CDH13: variants seen among roughly 807,000 people sequenced by gnomAD.
CDH13 encodes cadherin-13.
CDH13 carries 24 observed loss-of-function variants against 63.8 expected under a neutral mutation model. The observed-to-expected ratio is 0.38, with a 90% CI of 0.27 to 0.53. CDH13 has a LOEUF of 0.53. Ranked by LOEUF, CDH13 falls within the 20% of genes least tolerant of loss-of-function variation. CDH13 has a pLI of 0.85. For synonymous variants in CDH13, 503 were observed against 355.3 expected (o/e 1.42, Z -4.67); for missense variants, 1,049 against 903.1 (o/e 1.16, Z -2.07).
chr16:82,821,226 A>G (rs2037987762), intron 1 of CDH13, among the ~76,000 whole-genome samples: 1 of 152,188 alleles, frequency 6.6e-6, no homozygotes, highest in Non-Finnish European at 1.5e-5. Flanking sequence ...TAAATTCCCT[A>G]TAGGACCATT....
At chr16:82,813,884 A>G (rs1221245168) in intron 1 of CDH13, among the ~76,000 whole-genome samples, 3 of 152,192 alleles carry the variant, frequency 2.0e-5, no homozygotes, top group Non-Finnish European at 4.4e-5. Flanking sequence ...ACCTTGAACA[A>G]GTCTCTTGCC....
intron 3 of CDH13, among the ~76,000 whole-genome samples, chr16:83,079,316 A>G (rs2033075311): frequency 6.6e-6 from 1 of 152,056 alleles, no homozygotes. Flanking sequence ...CCTTCTATGG[A>G]TGGTTATTCA....
intron 5 of CDH13, among the ~76,000 whole-genome samples, chr16:83,277,554 A>G (rs990695644): frequency 6.6e-6 from 1 of 152,096 alleles, no homozygotes; most frequent in African/African-American, 2.4e-5. Flanking sequence ...TGAGGTCAAG[A>G]CTATTTTCAT....
At chr16:83,525,708 A>T (rs1015592500) in intron 7 of CDH13, among the ~76,000 whole-genome samples, 3 of 152,044 alleles carry the variant, frequency 2.0e-5, no homozygotes, top group African/African-American at 7.2e-5. Flanking sequence ...GTGATTAAGG[A>T]GTCCTTGAGT....
At chr16:83,793,869 G>T (rs1418916445) in intron 13 of CDH13, among the ~76,000 whole-genome samples, 1 of 152,044 alleles carries the variant, frequency 6.6e-6, no homozygotes, top group Non-Finnish European at 1.5e-5. Context: ...TTGAGATGGG[G>T]AGAGTATCTT....
At chr16:83,492,569 A>G (rs2074039344) in intron 7 of CDH13, among the ~76,000 whole-genome samples, 2 of 152,352 alleles carry the variant, frequency 1.3e-5, no homozygotes, top group South Asian at 4.1e-4. Context: ...TATTATTTTT[A>G]AAATAATGCA....
intron 5 of CDH13, among the ~76,000 whole-genome samples, chr16:83,241,566 A>C (rs1904451966): frequency 6.6e-6 from 1 of 152,082 alleles, no homozygotes; most frequent in Non-Finnish European, 1.5e-5. Flanking sequence ...TTTGATTTGC[A>C]TTTCTTTTAG....
chr16:83,240,792 G>A (rs1470055832), intron 5 of CDH13, among the ~76,000 whole-genome samples: 1 of 118,822 alleles, frequency 8.4e-6, no homozygotes, highest in Non-Finnish European at 1.6e-5. Context: ...TAACTCCTGT[G>A]CTCAAGTGAT....
At chr16:83,779,132 T>G (rs1440675834) in intron 11 of CDH13, among the ~76,000 whole-genome samples, 1 of 152,048 alleles carries the variant, frequency 6.6e-6, no homozygotes, top group Non-Finnish European at 1.5e-5. Flanking sequence ...TAAGGCCGGA[T>G]GCGGTGGCTC....
At chr16:83,040,684 C>G (rs964844371) in intron 3 of CDH13, among the ~76,000 whole-genome samples, 3 of 152,158 alleles carry the variant, frequency 2.0e-5, no homozygotes, top group Non-Finnish European at 4.4e-5. Context: ...TGTTAATATC[C>G]TTTGGCAACA....
At chr16:83,643,672 A>T (rs1246616491) in intron 8 of CDH13, among the ~76,000 whole-genome samples, 1 of 152,142 alleles carries the variant, frequency 6.6e-6, no homozygotes, top group Non-Finnish European at 1.5e-5. Flanking sequence ...AAACTCCATA[A>T]TGTTTAGTAA....
chr16:83,404,422 T>A (rs2092011648), intron 6 of CDH13, among the ~76,000 whole-genome samples: 1 of 152,222 alleles, frequency 6.6e-6, no homozygotes, highest in Admixed American at 6.5e-5. Flanking sequence ...TATCCTTGTC[T>A]CAGTTTTCTT....
intron 2 of CDH13, among the ~76,000 whole-genome samples, chr16:82,899,566 C>T (rs1205905626): frequency 3.3e-5 from 5 of 152,032 alleles, no homozygotes; most frequent in Admixed American, 2.6e-4. Flanking sequence ...ATAAATGAGG[C>T]AATGCCTGCA....
Position 83,255,029 on chromosome 16 carries a change from G to A in CDH13, c.636+37532G>A, listed in dbSNP as rs1257869608. ...TTTCTTTCTTTTTTGCAGCTGATCA[G>A]TGCTCCTCATGCATTTTGAAGCTTC... On this transcript the variant is annotated intron_variant, in intron 5 of 13. Coordinates refer to ENST00000567109, the MANE Select transcript of CDH13 (RefSeq NM_001257.5). 2.7e-5 allele frequency among the ~76,000 whole-genome samples: 4 copies of A among 147,694 alleles called. No individual in the cohort carries two copies. In the Admixed American group the frequency reaches 2.7e-4, roughly 10 times the overall value.
chr16:83,636,369 A>G (rs1360512688), intron 8 of CDH13, among the ~76,000 whole-genome samples: 1 of 152,192 alleles, frequency 6.6e-6, no homozygotes, highest in African/African-American at 2.4e-5. Context: ...GGTATATTAC[A>G]TGATGCTAGG....
At chr16:83,026,169 C>G (rs1300306807) in intron 2 of CDH13, among the ~76,000 whole-genome samples, 1 of 152,182 alleles carries the variant, frequency 6.6e-6, no homozygotes, top group African/African-American at 2.4e-5. Flanking sequence ...CTCAGTGTGA[C>G]CTCACTTGGT....
intron 7 of CDH13, among the ~76,000 whole-genome samples, chr16:83,499,795 A>G: frequency 9.0e-6 from 1 of 110,650 alleles, no homozygotes; most frequent in Non-Finnish European, 1.8e-5. Context: ...AATTTAGAAA[A>G]CCAATTCTGT....
At chr16:83,597,562 GT>G (rs1567794574) in intron 7 of CDH13, among the ~76,000 whole-genome samples, 1 of 152,122 alleles carries the variant, frequency 6.6e-6, no homozygotes, top group East Asian at 1.9e-4. Context: ...GTGGAGGAGA[GT>G]TCTTTGAAAT....
At chr16:83,498,330 G>T (rs1365121378) in intron 7 of CDH13, among the ~76,000 whole-genome samples, 1 of 152,184 alleles carries the variant, frequency 6.6e-6, no homozygotes, top group African/African-American at 2.4e-5. Context: ...GTCTCTAGAG[G>T]CTCCAAAGGA....
Sources: allele counts gnomAD v4.1 joint callset (sites outside exome capture counted in the v4.1 genomes callset), GRCh38; gene constraint gnomAD v4.1.1; transcripts MANE v1.5; gene names NCBI Gene and HGNC (gene_info 2026-07-23, HGNC 2026-07-21).